FNTB: variants seen among roughly 807,000 people sequenced by gnomAD.
FNTB encodes the protein protein farnesyltransferase subunit beta.
In FNTB, 27 loss-of-function variants were observed where a neutral mutation model predicts 59.4. The ratio of observed to expected loss-of-function variants is 0.45; its 90% CI spans 0.34 to 0.63. The LOEUF (loss-of-function observed/expected upper bound fraction) is 0.63, where lower values mean the gene tolerates loss of function less well. Among genes scored for constraint, FNTB ranks in the 20% least tolerant of loss-of-function variants. The pLI, the probability that FNTB is intolerant of heterozygous loss-of-function variation, is 0.02. For missense variants in FNTB, 449 were observed against 559.6 expected (o/e 0.80, Z 1.99); for synonymous variants, 230 against 220.7 (o/e 1.04, Z -0.37).
chr14:64,989,878 C>T (rs1042482633), intron 1 of FNTB, among the ~76,000 whole-genome samples: 3 of 152,020 alleles, frequency 2.0e-5, no homozygotes, highest in South Asian at 2.1e-4. Flanking sequence ...TAATTAGAAA[C>T]GCTGTGGAGA....
chr14:64,989,857 A>G (rs1466703461), intron 1 of FNTB, among the ~76,000 whole-genome samples: 7 of 152,250 alleles, frequency 4.6e-5, no homozygotes, highest in Admixed American at 6.5e-5. Context: ...AGCTATCTCA[A>G]TATAAAATGT....
chr14:65,039,470 T>C (rs2139619552), intron 7 of FNTB, among the ~76,000 whole-genome samples: 1 of 152,312 alleles, frequency 6.6e-6, no homozygotes, highest in African/African-American at 2.4e-5. Flanking sequence ...GGTCTGATTC[T>C]TATATAAGTT....
At position 65,054,746 on chromosome 14, in the gene FNTB, G is replaced by T. The variant is rs991885041; in HGVS notation, c.1182+57G>T. On this transcript the variant is annotated intron_variant, in intron 11 of 11. Coordinates refer to ENST00000246166, the MANE Select transcript of FNTB (RefSeq NM_002028.4). The surrounding 1 kb of genome is among the most constrained non-coding windows in gnomAD (Gnocchi z 4.4). ...TCCACAGGGACCTCGCGGACAGAAG[G>T]CTTTCCAAGTAAGCAGAACTGGCTC... The T allele has an allele frequency of 2.6e-6, 4 of 1,535,604 alleles. No individual in the cohort carries two copies. Among genetic ancestry groups the T allele is most frequent in the East Asian group, 2.4e-5 (1 of 41,008 alleles).
intron 2 of FNTB, chr14:65,006,068 C>A (rs2139485208): frequency 1.4e-6 from 2 of 1,459,670 alleles, no homozygotes; most frequent in Non-Finnish European, 1.9e-6. Flanking sequence ...GATCTTCTAA[C>A]AGACTAAATC....
rs771908354 is a variant in FNTB, at chr14:64,986,977, C to G, written c.24C>G (p.Thr8=). The G allele has an allele frequency of 2.5e-6, 4 of 1,614,124 alleles. No homozygotes were observed. The Middle Eastern group carries it at 4.9e-4, about 199-fold the overall frequency. Residue 8 remains threonine, a synonymous_variant, in exon 1 of 12, where the codon ACC becomes ACG. Transcript: ENST00000246166. ...TCATGGCTTCTCCGAGTTCTTTCAC[C>G]TACTATTGCCCTCCATCTTCCTCCC... MASPSSF[T]YYCPPSSSPV... is the part of the protein sequence containing the mutation.
intron 7 of FNTB, among the ~76,000 whole-genome samples, chr14:65,040,546 T>G (rs1052898643): frequency 6.6e-6 from 1 of 151,200 alleles, no homozygotes; most frequent in Non-Finnish European, 1.5e-5. Context: ...CCTCAAGTGA[T>G]CTTCTTGCCT....
At chr14:65,019,660 T>C (rs2061849939) in intron 4 of FNTB, among the ~76,000 whole-genome samples, 1 of 152,246 alleles carries the variant, frequency 6.6e-6, no homozygotes. Flanking sequence ...CACAGATGCC[T>C]TAAAAGCTTT....
chr14:65,031,979 C>CGTGTGTGTGTGTGTGTGTGTGTGTGTGT lies in FNTB; in HGVS notation c.606-618_606-591dup, dbSNP rs563468928. Among the ~76,000 whole-genome samples the CGTGTGTGTGTGTGTGTGTGTGTGTGTGT allele has an allele frequency of 1.9e-4, 27 of 141,286 alleles. No homozygotes were observed. The highest frequency in any genetic ancestry group is 6.3e-4 in the African/African-American group (24 of 37,888). 92.7% of individuals were successfully genotyped at this position (141,286 alleles called of 152,430 possible). A position where few individuals can be genotyped will look rare whatever the true frequency, so the allele number is the denominator to read the frequency against. ...ATAGACGTGCGCCTTTTTCATTTAA[C>CGTGTGTGTGTGTGTGTGTGTGTGTGTGT]GTGTGTGTGTGTGTGTGTGTGTGTG... On this transcript the variant is annotated intron_variant, in intron 6 of 11. Transcript: ENST00000246166. This position sits in a 1 kb window ranked among gnomAD's most constrained non-coding sequence, Gnocchi z 4.6.
intron 7 of FNTB, among the ~76,000 whole-genome samples, chr14:65,037,740 TATTATTTA>T (rs1212297109): frequency 5.8e-5 from 3 of 51,726 alleles, no homozygotes; most frequent in Non-Finnish European, 7.9e-5. Context: ...TTTATTTATT[TATTATTTA>T]TTTATTTATT....
chr14:65,053,254 C>T lies in FNTB; in HGVS notation c.972C>T (p.Ser324=). The T allele has an allele frequency of 4.2e-6, 6 of 1,424,052 alleles. No individual in the cohort carries two copies. Among genetic ancestry groups the T allele is most frequent in the Non-Finnish European group, 5.6e-6 (6 of 1,077,976 alleles). 88.2% of individuals were successfully genotyped at this position (1,424,052 alleles called of 1,614,324 possible). A position where few individuals can be genotyped will look rare whatever the true frequency, so the allele number is the denominator to read the frequency against. Residue 324 remains serine, a synonymous_variant, in exon 10 of 12, where the codon AGC becomes AGT. Transcript: ENST00000246166. ...ALHAQGDPAL[S]MSHWMFHQQA... ...CTTCAACAGGTGACCCTGCCCTTAG[C>T]ATGAGCCACTGGATGTTCCATCAGC... is the stretch of plus-strand genomic sequence containing the variant.
At chr14:65,006,339 C>T (rs2061589771) in intron 2 of FNTB, 4 of 1,602,306 alleles carry the variant, frequency 2.5e-6, no homozygotes, top group Non-Finnish European at 3.4e-6. Flanking sequence ...TTTCCCTTAA[C>T]TGCTAAACCA....
chr14:65,005,511 T>TC (rs1555390097), intron 2 of FNTB, among the ~76,000 whole-genome samples: 3 of 64,436 alleles, frequency 4.7e-5, no homozygotes, highest in South Asian at 4.0e-4. Flanking sequence ...CTTTCTTTCT[T>TC]TCTCTCTCTC....
rs4586342 is a variant in FNTB at position 65,007,157 on chromosome 14, G to C, written c.209+2844G>C. ...TCAACATATCAATATAAGGCTGAAG[G>C]CAAACATCACCATCATAGAATAAGC... On this transcript the variant is annotated intron_variant, in intron 2 of 11. Coordinates refer to ENST00000246166, the MANE Select transcript of FNTB (RefSeq NM_002028.4). The surrounding 1 kb of genome is among the most constrained non-coding windows in gnomAD (Gnocchi z 4.9). Among the ~76,000 whole-genome samples the C allele has an allele frequency of 0.56, 85,487 of 152,078 alleles. 24,655 individuals carry two copies. The highest frequency in any genetic ancestry group is 0.69 in the African/African-American group (28,601 of 41,486).
intron 11 of FNTB, 127 bp from the exon 12 acceptor site, chr14:65,061,054 T>A: frequency 6.8e-7 from 1 of 1,469,980 alleles, no homozygotes; most frequent in South Asian, 1.3e-5. Context: ...TTTGAACCTT[T>A]GGGCTTTGTG....
At chr14:65,041,474 T>G (rs1032434286) in intron 8 of FNTB, among the ~76,000 whole-genome samples, 3 of 152,112 alleles carry the variant, frequency 2.0e-5, no homozygotes, top group African/African-American at 7.2e-5. Flanking sequence ...AGTTAAATGA[T>G]CAGTGGGTGC....
At chr14:65,037,371 G>GAGATTAT (rs2062216209) in intron 7 of FNTB, among the ~76,000 whole-genome samples, 1 of 124,148 alleles carries the variant, frequency 8.1e-6, no homozygotes, top group Non-Finnish European at 1.6e-5. Flanking sequence ...CCAAAGTGCT[G>GAGATTAT]AGATTATAGG....
rs2062690172 is a variant in FNTB at position 65,054,701 on chromosome 14, G to A, written c.1182+12G>A. On this transcript the variant is annotated intron_variant, in intron 11 of 11. Transcript: ENST00000246166. This position sits in a 1 kb window ranked among gnomAD's most constrained non-coding sequence, Gnocchi z 4.4. ...CCGAAAACGCTCTGGTAAGACGGGT[G>A]CAGGGCTTCACACCCCTTCTCCACA... The A allele has an allele frequency of 8.1e-6, 13 of 1,597,802 alleles. No individual in the cohort carries two copies. The highest frequency in any genetic ancestry group is 1.1e-5 in the South Asian group (1 of 88,422).
At chr14:65,049,499 CTTG>C (rs766962098) in intron 9 of FNTB, among the ~76,000 whole-genome samples, 1 of 152,246 alleles carries the variant, frequency 6.6e-6, no homozygotes, top group South Asian at 2.1e-4. Flanking sequence ...CTGCTTTCAT[CTTG>C]TTGTGATTAT....
At position 65,044,998 on chromosome 14, in the gene FNTB, T is replaced by C. The variant is rs1472141737; in HGVS notation, c.955+555T>C. On this transcript the variant is annotated intron_variant, in intron 9 of 11. Coordinates refer to ENST00000246166, the MANE Select transcript of FNTB (RefSeq NM_002028.4). The surrounding 1 kb of genome is among the most constrained non-coding windows in gnomAD (Gnocchi z 5.5). ...TTAGAAATGTTTTATTTTACATTCA[T>C]TGAATAAGCCTAAATGGGAGTTTGT... is the stretch of plus-strand genomic sequence containing the variant. Among the ~76,000 whole-genome samples, 5 of 152,170 alleles carry C rather than the reference T, an allele frequency of 3.3e-5. No homozygotes were observed. Among genetic ancestry groups the C allele is most frequent in the Admixed American group, 6.5e-5 (1 of 15,274 alleles).
Sources: gnomAD v4.1 joint callset for allele counts (sites outside exome capture counted in the v4.1 genomes callset) on GRCh38, gnomAD v4.1.1 for gene constraint, Gnocchi (gnomAD v3.1) non-coding constraint, MANE v1.5 for transcripts, NCBI Gene and HGNC (gene_info 2026-07-23, HGNC 2026-07-21) for gene names.